Variants in FCHSD2 observed in about 807,000 individuals in gnomAD.
The protein encoded by FCHSD2 is FCH and double SH3 domains 2.
A neutral mutation model predicts 108.1 loss-of-function variants in FCHSD2; 38 were observed. That is an observed-to-expected ratio of 0.35 (90% CI 0.27 to 0.46). The LOEUF (loss-of-function observed/expected upper bound fraction) is 0.46, where lower values mean the gene tolerates loss of function less well. FCHSD2 is among the 20% of genes least tolerant of loss of function. The pLI is 1.00. For missense variants in FCHSD2, 751 were observed against 897.8 expected (o/e 0.84, Z 2.09); for synonymous variants, 279 against 314.7 (o/e 0.89, Z 1.20).
At chr11:72,861,030 GAAGAA>G (rs1397366163) in intron 13 of FCHSD2, among the ~76,000 whole-genome samples, 1 of 151,860 alleles carries the variant, frequency 6.6e-6, no homozygotes, top group Non-Finnish European at 1.5e-5. Context: ...AAATTGAACA[GAAGAA>G]AAGAAATAAT....
chr11:73,096,424 G>A (rs78103413), intron 2 of FCHSD2, among the ~76,000 whole-genome samples: 2,681 of 150,242 alleles, frequency 0.018, 30 homozygotes, highest in Non-Finnish European at 0.029. Context: ...GGTGGCGGGC[G>A]CCTGTAATTC....
In FCHSD2 at chr11:73,101,521, TC is replaced by T. The variant is rs528044878; in HGVS notation, c.120-17782del. On this transcript the variant is annotated intron_variant, in intron 2 of 19. Transcript: ENST00000409418. The stretch of plus-strand genomic sequence containing the variant: ...GTGGTATGATCATGGCTCACTGCAG[TC>T]TCCATCTCCTGGGCTCAAGATCCTC... 2.4e-3 allele frequency among the ~76,000 whole-genome samples: 362 copies of T among 152,092 alleles called. 1 individual carries two copies. The highest frequency in any genetic ancestry group is 8.3e-3 in the African/African-American group (344 of 41,494).
intron 13 of FCHSD2, among the ~76,000 whole-genome samples, chr11:72,855,410 AG>A (rs1861401663): frequency 6.6e-6 from 1 of 152,148 alleles, no homozygotes; most frequent in Non-Finnish European, 1.5e-5. Context: ...CGGGAGGCGG[AG>A]GTTGCAGTGA....
intron 14 of FCHSD2, among the ~76,000 whole-genome samples, chr11:72,847,657 G>C (rs2135165784): frequency 6.8e-6 from 1 of 146,176 alleles, no homozygotes; most frequent in South Asian, 2.2e-4. Flanking sequence ...AGGGTCAAAA[G>C]TTATGAACAT....
chr11:73,012,896 A>T (rs1381463945), intron 4 of FCHSD2, among the ~76,000 whole-genome samples: 1 of 152,188 alleles, frequency 6.6e-6, no homozygotes, highest in Non-Finnish European at 1.5e-5. Context: ...AAGTCTTCTA[A>T]ATATCTCTGA....
At chr11:73,029,755 A>C (rs894097800) in intron 3 of FCHSD2, among the ~76,000 whole-genome samples, 1 of 152,140 alleles carries the variant, frequency 6.6e-6, no homozygotes, top group Non-Finnish European at 1.5e-5. Context: ...TGAGAACCAC[A>C]CATTGAAAAT....
chr11:73,071,462 C>T (rs190714429), intron 3 of FCHSD2, among the ~76,000 whole-genome samples: 25 of 151,068 alleles, frequency 1.7e-4, no homozygotes, highest in Admixed American at 5.3e-4. Flanking sequence ...GAGGTCGAGG[C>T]GGGCAGATCA....
rs1295066790 is a variant in FCHSD2, at chr11:73,097,330, T to C, written c.120-13590A>G. ...CGTGGTGGATAATCCTTTTAATGAT[T>C]TGCTGTTGGATTCAGTTTCCTAGGT... On this transcript the variant is annotated intron_variant, in intron 2 of 19. Coordinates refer to ENST00000409418, the MANE Select transcript of FCHSD2 (RefSeq NM_014824.3). Among the ~76,000 whole-genome samples, 5 of 151,660 alleles carry C rather than the reference T, an allele frequency of 3.3e-5. No individual in the cohort carries two copies. In the East Asian group the frequency reaches 7.7e-4, roughly 23 times the overall value.
Position 73,090,913 on chromosome 11 carries a change from T to C in FCHSD2, c.120-7173A>G, listed in dbSNP as rs79426191. Among the ~76,000 whole-genome samples, 179 of 152,282 alleles carry C rather than the reference T, an allele frequency of 1.2e-3. 1 individual carries two copies. The highest frequency in any genetic ancestry group is 4.1e-3 in the African/African-American group (172 of 41,568). ...AGAACACTCCAGACCCATTAAGTAA[T>C]CACGCTTCATTCCCCTTTCTTCTCC... On this transcript the variant is annotated intron_variant, in intron 2 of 19. Transcript: ENST00000409418.
At chr11:72,860,868 T>G (rs991549177) in intron 13 of FCHSD2, among the ~76,000 whole-genome samples, 1 of 151,818 alleles carries the variant, frequency 6.6e-6, no homozygotes, top group Non-Finnish European at 1.5e-5. Flanking sequence ...ATAAAAATGA[T>G]GACACAACAT....
chr11:72,855,569 G>T (rs1861407462), intron 13 of FCHSD2, among the ~76,000 whole-genome samples: 1 of 152,156 alleles, frequency 6.6e-6, no homozygotes, highest in African/African-American at 2.4e-5. Flanking sequence ...ACTTAAAGTG[G>T]TAAATTTGTA....
intron 12 of FCHSD2, among the ~76,000 whole-genome samples, chr11:72,887,009 A>C (rs1415980296): frequency 1.1e-4 from 17 of 152,016 alleles, no homozygotes; most frequent in Admixed American, 1.1e-3. Context: ...CCCTATTCTT[A>C]AAAGCCCAGC....
rs148344441 is a variant in FCHSD2, at chr11:72,849,782, G to A, written c.1416C>T (p.Leu472=). 5 of 1,612,074 alleles carry A rather than the reference G, an allele frequency of 3.1e-6. No homozygotes were observed. In the African/African-American group the frequency reaches 4.0e-5, roughly 13 times the overall value. The change falls in exon 14 of 20, where the codon CTC becomes CTT. Residue 472 remains leucine (L), a synonymous_variant. Coordinates refer to ENST00000409418, the MANE Select transcript of FCHSD2 (RefSeq NM_014824.3). Reference sequence around the variant, plus strand: ...TGTAGGAATAAACAACTTTGCAGGTGAGTGGATAATTTCTTAAGGTGCCAG... The same window carrying A: ...TGTAGGAATAAACAACTTTGCAGGTAAGTGGATAATTTCTTAAGGTGCCAG... The part of the protein sequence containing the change: ...SPSGTLRNYP[L]TCKVVYSYKA...
intron 3 of FCHSD2, among the ~76,000 whole-genome samples, chr11:73,045,591 A>C (rs574731624): frequency 0.011 from 1,699 of 151,046 alleles, 28 homozygotes; most frequent in African/African-American, 0.04. Context: ...TGCAGCCATA[A>C]AAAATGATGA....
chr11:72,862,402 T>A (rs1420068548), intron 13 of FCHSD2, among the ~76,000 whole-genome samples: 1 of 152,210 alleles, frequency 6.6e-6, no homozygotes, highest in South Asian at 2.1e-4. Flanking sequence ...GATTGCAGGA[T>A]ATAAGATCAA....
intron 9 of FCHSD2, among the ~76,000 whole-genome samples, chr11:72,916,755 T>C (rs971595334): frequency 6.6e-6 from 1 of 152,260 alleles, no homozygotes. Context: ...ACATTCTTAA[T>C]AATGTCCTTT....
At chr11:72,898,935 G>A (rs1299042805) in intron 10 of FCHSD2, among the ~76,000 whole-genome samples, 2 of 151,788 alleles carry the variant, frequency 1.3e-5, no homozygotes, top group African/African-American at 4.8e-5. Flanking sequence ...TTTAGAGAAA[G>A]GGTTTCGCCG....
At chr11:72,939,375 A>G (rs527839040) in intron 8 of FCHSD2, among the ~76,000 whole-genome samples, 1 of 152,254 alleles carries the variant, frequency 6.6e-6, no homozygotes, top group Non-Finnish European at 1.5e-5. Flanking sequence ...AACCTTTCTA[A>G]GGAATGGTTT....
chr11:72,917,654 G>C (rs1420915546), intron 9 of FCHSD2, among the ~76,000 whole-genome samples: 1 of 152,222 alleles, frequency 6.6e-6, no homozygotes, highest in Non-Finnish European at 1.5e-5. Context: ...GGGAGGCCAA[G>C]GCAGGCGGAT....
Sources: gnomAD v4.1 joint callset for allele counts (sites outside exome capture counted in the v4.1 genomes callset) on GRCh38, gnomAD v4.1.1 for gene constraint, MANE v1.5 for transcripts, NCBI Gene and HGNC (gene_info 2026-07-23, HGNC 2026-07-21) for gene names.